Variants in CEP85L observed in about 807,000 individuals in gnomAD.
CEP85L encodes centrosomal protein of 85 kDa-like.
Under a neutral mutation model 100.3 loss-of-function variants are expected in CEP85L, and 60 were observed. That is an observed-to-expected ratio of 0.60 (90% CI 0.49 to 0.74). The LOEUF (loss-of-function observed/expected upper bound fraction) is 0.74. Among genes scored for constraint, CEP85L ranks in the 30% least tolerant of loss-of-function variants. The probability of loss-of-function intolerance (pLI) is 0.00; values close to 1 mark genes in which losing one functional copy is unlikely to be tolerated. For missense variants in CEP85L, 973 were observed against 936.2 expected, an observed-to-expected ratio of 1.04 and a Z score of -0.51; for synonymous variants, 319 against 322.7, an observed-to-expected ratio of 0.99 and a Z score of 0.12.
intron 5 of CEP85L, among the ~76,000 whole-genome samples, chr6:118,500,924 A>G (rs961426699): frequency 1.3e-5 from 2 of 152,308 alleles, no homozygotes; most frequent in Admixed American, 1.3e-4. Flanking sequence ...GGGGCATGAC[A>G]CTGGAAGTCT....
intron 2 of CEP85L, among the ~76,000 whole-genome samples, chr6:118,628,299 T>C (rs1000514020): frequency 2.6e-5 from 4 of 152,048 alleles, no homozygotes; most frequent in Admixed American, 1.3e-4. Context: ...AGGCTTTAAT[T>C]GAAAAAGTAG....
At chr6:118,479,806 T>TTA (rs1773646296) in intron 10 of CEP85L, 65 bp downstream of exon 10, 1 of 764,746 alleles carries the variant, frequency 1.3e-6, no homozygotes, top group Non-Finnish European at 2.1e-6. Flanking sequence ...TATTTTCAGA[T>TTA]TAAATAAGCA....
At chr6:118,502,573 T>C (rs1775375972) in intron 5 of CEP85L, 2 of 474,546 alleles carry the variant, frequency 4.2e-6, no homozygotes, top group South Asian at 2.0e-5. Flanking sequence ...GTAACAAACT[T>C]TGGCGCTCCG....
intron 3 of CEP85L, among the ~76,000 whole-genome samples, chr6:118,551,099 C>T (rs1349782052): frequency 6.6e-6 from 1 of 151,856 alleles, no homozygotes; most frequent in Non-Finnish European, 1.5e-5. Context: ...TTAACATCTC[C>T]TCAAAACTTT....
chr6:118,523,517 A>G (rs1776784146), intron 4 of CEP85L, among the ~76,000 whole-genome samples: 1 of 152,232 alleles, frequency 6.6e-6, no homozygotes, highest in Non-Finnish European at 1.5e-5. Flanking sequence ...GCTGATTAGC[A>G]TTGCAGCTAA....
intron 3 of CEP85L, among the ~76,000 whole-genome samples, chr6:118,549,680 T>C (rs1189854291): frequency 6.6e-6 from 1 of 151,854 alleles, no homozygotes; most frequent in Admixed American, 6.6e-5. Context: ...TGATAGTACA[T>C]AAAAGTCATT....
At chr6:118,617,531 T>C (rs1342858982) in intron 2 of CEP85L, among the ~76,000 whole-genome samples, 1 of 152,150 alleles carries the variant, frequency 6.6e-6, no homozygotes, top group Non-Finnish European at 1.5e-5. Context: ...CACAAAATAA[T>C]TTACTGCCTT....
Position 118,660,924 on chromosome 6 carries a change from C to T in CEP85L, c.-27-8116G>A, listed in dbSNP as rs1775952890. On this transcript the variant is annotated intron_variant, in intron 1 of 13. Transcript: ENST00000368488. The stretch of plus-strand genomic sequence containing the variant: ...TTTTTGAGACGGAGTCTCGCACTGT[C>T]GCCTGGACTGGAGTACAATGGCATG... Among the ~76,000 whole-genome samples, 5 of 150,686 alleles carry T rather than the reference C, an allele frequency of 3.3e-5. No homozygotes were observed. The South Asian group carries it at 8.4e-4, about 25-fold the overall frequency.
At chr6:118,501,527 C>T (rs1775300933) in intron 5 of CEP85L, 2 of 490,920 alleles carry the variant, frequency 4.1e-6, no homozygotes, top group African/African-American at 2.0e-5. Flanking sequence ...CATCATTAAA[C>T]ACCCAATGGA....
rs58066356 is a variant in CEP85L at position 118,600,370 on chromosome 6, T to TGTGTGTGTGTGTGTGG, written c.232+32082_232+32083insCCACACACACACACAC. Among the ~76,000 whole-genome samples the TGTGTGTGTGTGTGTGG allele has an allele frequency of 2.1e-3, 182 of 86,420 alleles. 36 individuals are homozygous for TGTGTGTGTGTGTGTGG. Among genetic ancestry groups the TGTGTGTGTGTGTGTGG allele is most frequent in the African/African-American group, 2.6e-3 (63 of 23,958 alleles). The allele number at this position is 86,420 out of a possible 152,430, so 56.7% of individuals were successfully genotyped here. ...GTGTGTGTGTGTGTGTGTGTGTGTG[T>TGTGTGTGTGTGTGTGG]AACGCCATGGAGCAATCTCAGCTCA... On this transcript the variant is annotated intron_variant, in intron 2 of 12. Coordinates refer to ENST00000368491, the MANE Select transcript of CEP85L (RefSeq NM_001042475.3).
chr6:118,510,988 C>A (rs548043761), intron 5 of CEP85L, among the ~76,000 whole-genome samples: 1 of 151,920 alleles, frequency 6.6e-6, no homozygotes, highest in African/African-American at 2.4e-5. Context: ...AGATAATGTA[C>A]ATATTCTTAT....
In CEP85L at chr6:118,502,986, T is replaced by C. The variant is rs564251422; in HGVS notation, c.1257+8312A>G. The C allele has an allele frequency of 6.5e-5, 17 of 259,750 alleles. No individual in the cohort carries two copies. The Admixed American group carries it at 7.2e-4, about 11-fold the overall frequency. 16.1% of individuals were successfully genotyped at this position (259,750 alleles called of 1,614,324 possible). ...TGTACATACTTTTCCATTCTTAACT[T>C]AAAAACGCTTTCACAAGATATCAAA... On this transcript the variant is annotated intron_variant, in intron 5 of 12. Transcript: ENST00000368491.
At chr6:118,684,622 T>C (rs11754023) in intron 1 of CEP85L, among the ~76,000 whole-genome samples, 54,924 of 152,100 alleles carry the variant, frequency 0.36, 10,176 homozygotes, top group Middle Eastern at 0.42. Flanking sequence ...AGCTCAGCGT[T>C]GCTTCTTTTT....
At chr6:118,474,849 A>G (rs755034647) in intron 10 of CEP85L, among the ~76,000 whole-genome samples, 36 of 152,360 alleles carry the variant, frequency 2.4e-4, no homozygotes, top group Middle Eastern at 3.4e-3. Context: ...TTGACAGGAT[A>G]CTATTAGACC....
intron 3 of CEP85L, among the ~76,000 whole-genome samples, chr6:118,531,948 T>A (rs1242250759): frequency 6.6e-6 from 1 of 152,130 alleles, no homozygotes; most frequent in African/African-American, 2.4e-5. Flanking sequence ...ATTTGATGAT[T>A]TCCCAAAAAC....
At position 118,669,316 on chromosome 6, in the gene CEP85L, C is replaced by T. The variant is rs137877057; in HGVS notation, c.-27-16508G>A. Among the ~76,000 whole-genome samples the T allele has an allele frequency of 4.1e-4, 63 of 152,294 alleles. No homozygotes were observed. The East Asian group carries it at 0.011, about 28-fold the overall frequency. On this transcript the variant is annotated intron_variant, in intron 1 of 13. Transcript: ENST00000368488. ...TTTGAGGAGTAAGCCAAACACACAGCCTCTGGTGATTTACCTTATAGAGGG... is the reference window on the plus strand; with the variant it reads ...TTTGAGGAGTAAGCCAAACACACAGTCTCTGGTGATTTACCTTATAGAGGG...
rs34878583 is a variant in CEP85L, at chr6:118,475,347, ATTTTTTTTT to A, written c.1914+4515_1914+4523del. 2.3e-4 allele frequency among the ~76,000 whole-genome samples: 18 copies of A among 79,026 alleles called. 1 individual carries two copies. The highest frequency in any genetic ancestry group is 1.6e-3 in the South Asian group (4 of 2,496). The allele number at this position is 79,026 out of a possible 152,430, so 51.8% of individuals were successfully genotyped here. On this transcript the variant is annotated intron_variant, in intron 10 of 12. Transcript: ENST00000368491. ...AAAAGGTGGGTGAATTGTAGGTGAC[ATTTTTTTTT>A]TTTTTTTTTTTTTTTTGAGACGAGT...
chr6:118,650,735 T>G (rs1213073891), intron 1 of CEP85L, among the ~76,000 whole-genome samples: 1 of 152,112 alleles, frequency 6.6e-6, no homozygotes, highest in African/African-American at 2.4e-5. Flanking sequence ...AGCCTGCGCC[T>G]ACCAGAAGTC....
At chr6:118,690,890 C>T (rs750148832) in intron 1 of CEP85L, among the ~76,000 whole-genome samples, 3 of 151,582 alleles carry the variant, frequency 2.0e-5, no homozygotes, top group Non-Finnish European at 2.9e-5. Context: ...CCCAGCTACT[C>T]GGGAGGCTGA....
Sources: gnomAD v4.1 joint callset for allele counts (sites outside exome capture counted in the v4.1 genomes callset) on GRCh38, gnomAD v4.1.1 for gene constraint, MANE v1.5 for transcripts, NCBI Gene and HGNC (gene_info 2026-07-23, HGNC 2026-07-21) for gene names.